Variants in CNTN4 observed in about 807,000 individuals in gnomAD.
CNTN4 encodes contactin-4.
CNTN4 carries 77 observed loss-of-function variants against 122.5 expected under a neutral mutation model. That is an observed-to-expected ratio of 0.63 (90% CI 0.52 to 0.76). The LOEUF (loss-of-function observed/expected upper bound fraction) is 0.76, where lower values mean the gene tolerates loss of function less well. Among genes scored for constraint, CNTN4 ranks in the 30% least tolerant of loss-of-function variants. CNTN4 has a pLI of 0.00. For missense variants in CNTN4, 1,256 were observed against 1,259.1 expected, an observed-to-expected ratio of 1.00 and a Z score of 0.04; for synonymous variants, 512 against 447.0, an observed-to-expected ratio of 1.15 and a Z score of -1.83.
At chr3:2,338,320 C>A (rs2044041555) in intron 2 of CNTN4, among the ~76,000 whole-genome samples, 1 of 151,902 alleles carries the variant, frequency 6.6e-6, no homozygotes, top group Admixed American at 6.6e-5. Flanking sequence ...AAGAAAAGAT[C>A]ATGTTTTTAT....
chr3:2,691,988 T>C (rs955394594), intron 4 of CNTN4, among the ~76,000 whole-genome samples: 1 of 152,176 alleles, frequency 6.6e-6, no homozygotes. Flanking sequence ...CTTTGCAGAG[T>C]ATGCAGGTGT....
chr3:2,353,307 CCAAT>C (rs2044720048), intron 3 of CNTN4, among the ~76,000 whole-genome samples: 1 of 152,128 alleles, frequency 6.6e-6, no homozygotes, highest in African/African-American at 2.4e-5. Flanking sequence ...TCAAAACAGA[CCAAT>C]CAACTCTCTA....
chr3:3,009,314 T>C (rs1308845309), intron 14 of CNTN4, among the ~76,000 whole-genome samples: 1 of 152,230 alleles, frequency 6.6e-6, no homozygotes, highest in Non-Finnish European at 1.5e-5. Context: ...AACTCTCTTC[T>C]AGTATCTGAA....
intron 4 of CNTN4, among the ~76,000 whole-genome samples, chr3:2,700,067 A>T (rs1203993050): frequency 3.3e-5 from 5 of 152,112 alleles, no homozygotes; most frequent in African/African-American, 1.2e-4. Flanking sequence ...ACTTTCACGA[A>T]GTGCATGCAC....
chr3:2,788,294 G>A (rs979960270), intron 6 of CNTN4, among the ~76,000 whole-genome samples: 3 of 152,126 alleles, frequency 2.0e-5, no homozygotes, highest in African/African-American at 7.2e-5. Context: ...TCTGTGTCCT[G>A]TGGCCTTCCA....
chr3:2,884,674 C>T (rs2093949814), intron 9 of CNTN4, among the ~76,000 whole-genome samples: 1 of 152,020 alleles, frequency 6.6e-6, no homozygotes, highest in Non-Finnish European at 1.5e-5. Flanking sequence ...AAGATGAGAG[C>T]AGGTAACTGG....
chr3:2,705,810 A>G, intron 4 of CNTN4, among the ~76,000 whole-genome samples: 1 of 100,414 alleles, frequency 1.0e-5, no homozygotes, highest in East Asian at 2.6e-4. Context: ...TATATATAAT[A>G]TATATAATAT....
intron 6 of CNTN4, among the ~76,000 whole-genome samples, chr3:2,748,785 C>T (rs1020923930): frequency 6.6e-6 from 1 of 152,204 alleles, no homozygotes; most frequent in Non-Finnish European, 1.5e-5. Flanking sequence ...TATCCTAAAA[C>T]TGCCAGAGTA....
At chr3:2,903,044 C>T (rs1559642600) in intron 12 of CNTN4, 39 bp downstream of exon 12, 1 of 1,591,270 alleles carries the variant, frequency 6.3e-7, no homozygotes, top group Non-Finnish European at 8.6e-7. Flanking sequence ...AATTAAAACT[C>T]TTTAGATCAC....
chr3:2,796,807 A>G (rs1276086624), intron 6 of CNTN4, among the ~76,000 whole-genome samples: 1 of 152,188 alleles, frequency 6.6e-6, no homozygotes, highest in African/African-American at 2.4e-5. Flanking sequence ...GCTTCATCCT[A>G]TTCTATTGCT....
intron 2 of CNTN4, among the ~76,000 whole-genome samples, chr3:2,293,597 G>T (rs906167164): frequency 6.6e-6 from 1 of 152,072 alleles, no homozygotes; most frequent in Non-Finnish European, 1.5e-5. Context: ...GAGTCAATAG[G>T]TTTCTTGGCA....
intron 6 of CNTN4, among the ~76,000 whole-genome samples, chr3:2,775,001 G>A (rs979279548): frequency 6.6e-6 from 1 of 152,216 alleles, no homozygotes; most frequent in Non-Finnish European, 1.5e-5. Context: ...GGCTAGTTGT[G>A]CTTATAACGT....
chr3:2,837,347 T>C lies in CNTN4; in HGVS notation c.454+17766T>C, dbSNP rs182480098. On this transcript the variant is annotated intron_variant, in intron 7 of 24. Transcript: ENST00000418658. ...TTCATTTGAAAATCATTCCAGATAC[T>C]GAAGTTAAAATAGCTGTCCTTGCTT... Among the ~76,000 whole-genome samples the C allele has an allele frequency of 3.3e-5, 5 of 152,308 alleles. No individual in the cohort carries two copies. The East Asian group carries it at 7.7e-4, about 24-fold the overall frequency.
rs575995165 is a variant in CNTN4 at position 2,703,124 on chromosome 3, C to T, written c.56-33091C>T. 3.3e-5 allele frequency among the ~76,000 whole-genome samples: 5 copies of T among 152,256 alleles called. 1 individual carries two copies. Among genetic ancestry groups the T allele is most frequent in the African/African-American group, 7.2e-5 (3 of 41,558 alleles). Reference sequence around the variant, plus strand: ...TATCCTAATTCTACAGAGGACGAAACGGAGGCACAGAGAAGGTTTAGTAAA... The same window carrying T: ...TATCCTAATTCTACAGAGGACGAAATGGAGGCACAGAGAAGGTTTAGTAAA... On this transcript the variant is annotated intron_variant, in intron 4 of 24. Coordinates refer to ENST00000418658, the MANE Select transcript of CNTN4 (RefSeq NM_175607.3).
At chr3:2,973,893 A>G (rs1051756367) in intron 13 of CNTN4, among the ~76,000 whole-genome samples, 1 of 152,180 alleles carries the variant, frequency 6.6e-6, no homozygotes, top group Non-Finnish European at 1.5e-5. Context: ...TTGTAAGAGG[A>G]AGTTGATCAT....
intron 2 of CNTN4, among the ~76,000 whole-genome samples, chr3:2,327,292 T>G (rs1354237): frequency 0.36 from 54,723 of 152,020 alleles, 10,661 homozygotes; most frequent in East Asian, 0.8. Context: ...TCAAAATTAG[T>G]CAAGAAATCA....
intron 6 of CNTN4, among the ~76,000 whole-genome samples, chr3:2,813,041 A>C (rs2092648553): frequency 6.6e-6 from 1 of 152,150 alleles, no homozygotes; most frequent in South Asian, 2.1e-4. Flanking sequence ...GGTTTTGTAA[A>C]TTTCGATTTA....
chr3:2,405,807 G>A (rs980333420), intron 3 of CNTN4, among the ~76,000 whole-genome samples: 9 of 152,048 alleles, frequency 5.9e-5, no homozygotes, highest in Admixed American at 5.9e-4. Context: ...TGAATCACTC[G>A]AGCTTGAGAG....
chr3:2,492,049 T>A (rs1169168538), intron 3 of CNTN4, among the ~76,000 whole-genome samples: 1 of 152,168 alleles, frequency 6.6e-6, no homozygotes, highest in African/African-American at 2.4e-5. Context: ...TTTGATTTAT[T>A]TAAAAAAAAT....
Sources: gnomAD v4.1 joint callset for allele counts (sites outside exome capture counted in the v4.1 genomes callset) on GRCh38, gnomAD v4.1.1 for gene constraint, MANE v1.5 for transcripts, NCBI Gene and HGNC (gene_info 2026-07-23, HGNC 2026-07-21) for gene names.